The following TDRD9 variants were observed in gnomAD, a reference collection of about 807,000 sequenced individuals.
TDRD9 encodes the protein tudor domain containing 9, also known as ATP-dependent RNA helicase TDRD9.
A neutral mutation model predicts 172.6 loss-of-function variants in TDRD9; 124 were observed. That is an observed-to-expected ratio of 0.72 (90% CI 0.62 to 0.83). TDRD9 has a LOEUF of 0.83. TDRD9 is among the 40% of genes least tolerant of loss of function. The probability of loss-of-function intolerance (pLI) is 0.00; values close to 1 mark genes in which losing one functional copy is unlikely to be tolerated. For synonymous variants in TDRD9, 619 were observed against 617.1 expected (o/e 1.00, Z -0.05); for missense variants, 1,479 against 1,714.1 (o/e 0.86, Z 2.42).
At chr14:103,995,366 C>G (rs2034020904) in intron 11 of TDRD9, among the ~76,000 whole-genome samples, 3 of 152,190 alleles carry the variant, frequency 2.0e-5, no homozygotes, top group Admixed American at 1.3e-4. Flanking sequence ...TTTGGAATCT[C>G]TAGGAGCAGC....
At chr14:103,981,764 A>G (rs1463633515) in intron 7 of TDRD9, among the ~76,000 whole-genome samples, 1 of 152,234 alleles carries the variant, frequency 6.6e-6, no homozygotes, top group Non-Finnish European at 1.5e-5. Context: ...TGAATATCTT[A>G]TGTAACTTAT....
intron 1 of TDRD9, among the ~76,000 whole-genome samples, chr14:103,944,128 A>G (rs751264305): frequency 1.4e-5 from 2 of 147,010 alleles, no homozygotes; most frequent in Non-Finnish European, 3.1e-5. Context: ...CATATTGGAT[A>G]TGGAACTTAA....
chr14:104,010,298 C>T (rs1168285958), intron 20 of TDRD9, among the ~76,000 whole-genome samples: 2 of 151,650 alleles, frequency 1.3e-5, no homozygotes, highest in Non-Finnish European at 2.9e-5. Context: ...ACTTTGTAGC[C>T]CAGACTGGTT....
At chr14:103,935,682 G>C (rs370188675) in intron 1 of TDRD9, among the ~76,000 whole-genome samples, 85 of 152,120 alleles carry the variant, frequency 5.6e-4, no homozygotes, top group African/African-American at 1.9e-3. Context: ...GCCCACCTGG[G>C]GTGCTTCAGT....
At chr14:104,008,312 A>G (rs1375178170) in intron 19 of TDRD9, 101 bp from the exon 20 acceptor site, 4 of 722,570 alleles carry the variant, frequency 5.5e-6, no homozygotes, top group Non-Finnish European at 9.6e-6. Flanking sequence ...AGTAATTTAC[A>G]TTCATCATTA....
intron 8 of TDRD9, among the ~76,000 whole-genome samples, chr14:103,987,123 T>TATATACAC (rs1167102708): frequency 5.5e-5 from 8 of 145,800 alleles, no homozygotes; most frequent in African/African-American, 2.0e-4. Context: ...AAAAAATATA[T>TATATACAC]ACACACACAC....
rs60532123 is a variant in TDRD9, at chr14:103,980,367, C to T, written c.1011+4814C>T. On this transcript the variant is annotated intron_variant, in intron 7 of 35. Coordinates refer to ENST00000409874, the MANE Select transcript of TDRD9 (RefSeq NM_153046.3). The surrounding 1 kb of genome is among the most constrained non-coding windows in gnomAD (Gnocchi z 4.5). ...AGGTAAGGTCATGTGGGTCACGTGT[C>T]GACTGGACAGGGGGCCCTTCCCTGC... is the stretch of plus-strand genomic sequence containing the variant. Among the ~76,000 whole-genome samples the T allele has an allele frequency of 0.029, 4,356 of 152,030 alleles. 132 individuals are homozygous for T. The highest frequency in any genetic ancestry group is 0.076 in the African/African-American group (3,134 of 41,432).
chr14:104,031,471 T>G (rs868450010), intron 29 of TDRD9, among the ~76,000 whole-genome samples: 2 of 147,074 alleles, frequency 1.4e-5, no homozygotes, highest in Admixed American at 1.3e-4. Flanking sequence ...TTGACTAGTT[T>G]TTTTTTTTTT....
At chr14:103,934,185 T>C (rs2030595220) in intron 1 of TDRD9, among the ~76,000 whole-genome samples, 1 of 152,132 alleles carries the variant, frequency 6.6e-6, no homozygotes, top group South Asian at 2.1e-4. Context: ...CCTGGCTAAT[T>C]TATTTTTTGT....
chr14:104,040,830 G>T (rs1158707135), intron 33 of TDRD9, among the ~76,000 whole-genome samples: 1 of 152,258 alleles, frequency 6.6e-6, no homozygotes, highest in Non-Finnish European at 1.5e-5. Flanking sequence ...CTGGGGTGAG[G>T]TGGCAAGGCA....
intron 21 of TDRD9, 131 bp from the exon 22 acceptor site, chr14:104,015,850 G>A (rs1289845849): frequency 1.7e-6 from 1 of 602,734 alleles, no homozygotes. Flanking sequence ...GAAAGGTCTA[G>A]TTTTCCATAC....
chr14:103,998,652 G>A lies in TDRD9; in HGVS notation c.1407G>A (p.Leu469=), dbSNP rs765986919. 2 of 1,609,770 alleles carry A rather than the reference G, an allele frequency of 1.2e-6. No homozygotes were observed. Among genetic ancestry groups the A allele is most frequent in the Non-Finnish European group, 1.7e-6 (2 of 1,176,242 alleles). Reference sequence around the variant, plus strand: ...TAGATTTTTGTTTGACTAGAACTTTGGTCTGTGATGAAGATACAAATTATC... The same window carrying A: ...TAGATTTTTGTTTGACTAGAACTTTAGTCTGTGATGAAGATACAAATTATC... The part of the protein sequence containing the change: ...YVIDFCLTRT[L]VCDEDTNYQS... Residue 469 remains leucine (L), a synonymous_variant, in exon 13 of 36, where the codon TTG becomes TTA. Coordinates refer to ENST00000409874, the MANE Select transcript of TDRD9 (RefSeq NM_153046.3).
chr14:103,966,923 G>A, intron 5 of TDRD9, 92 bp downstream of exon 5: 1 of 1,193,166 alleles, frequency 8.4e-7, no homozygotes, highest in Non-Finnish European at 1.1e-6. Context: ...GCCTGTCTCA[G>A]CTTTCTTTAT....
intron 1 of TDRD9, among the ~76,000 whole-genome samples, chr14:103,944,891 C>T (rs765910162): frequency 2.0e-5 from 3 of 152,090 alleles, no homozygotes; most frequent in Non-Finnish European, 4.4e-5. Flanking sequence ...TAATGCTTTC[C>T]AATTAGATCC....
chr14:104,038,517 G>A (rs2035519146), intron 32 of TDRD9, among the ~76,000 whole-genome samples: 1 of 152,184 alleles, frequency 6.6e-6, no homozygotes, highest in Admixed American at 6.5e-5. Context: ...GCTGGTGGGT[G>A]TCCAGGCTCA....
intron 21 of TDRD9, among the ~76,000 whole-genome samples, chr14:104,015,365 T>C (rs1595988802): frequency 6.6e-6 from 1 of 152,214 alleles, no homozygotes; most frequent in Non-Finnish European, 1.5e-5. Flanking sequence ...GGCTGATGCA[T>C]ACGGAATCAG....
At chr14:103,995,947 A>G (rs989999639) in intron 12 of TDRD9, 140 bp downstream of exon 12, 5 of 742,502 alleles carry the variant, frequency 6.7e-6, no homozygotes, top group Admixed American at 6.6e-5. Flanking sequence ...AAGTAGGTTT[A>G]CGTAGTTTCT....
intron 28 of TDRD9, among the ~76,000 whole-genome samples, chr14:104,028,894 A>G (rs932644330): frequency 6.6e-6 from 1 of 152,202 alleles, no homozygotes; most frequent in Non-Finnish European, 1.5e-5. Flanking sequence ...ATTCTTCTGC[A>G]TTTAGATGTC....
In TDRD9 at chr14:103,938,444, T is replaced by TA. The variant is rs2030953375; in HGVS notation, c.215+9720_215+9721insA. 9.2e-5 allele frequency among the ~76,000 whole-genome samples: 10 copies of TA among 108,756 alleles called. No individual in the cohort carries two copies. In the South Asian group the frequency reaches 3.1e-3, roughly 34 times the overall value. The allele number at this position is 108,756 out of a possible 152,430, so 71.3% of individuals were successfully genotyped here. A position where few individuals can be genotyped will look rare whatever the true frequency, so the allele number is the denominator to read the frequency against. On this transcript the variant is annotated intron_variant, in intron 1 of 35. Coordinates refer to ENST00000409874, the MANE Select transcript of TDRD9 (RefSeq NM_153046.3). Reference sequence around the variant, plus strand: ...TATATATATATATATATATATATTTTTTTTTTTTTTTTGAGATGGTGTCTC... The same window carrying TA: ...TATATATATATATATATATATATTTTATTTTTTTTTTTTGAGATGGTGTCTC...
Sources: gnomAD v4.1 joint callset for allele counts (sites outside exome capture counted in the v4.1 genomes callset) on GRCh38, gnomAD v4.1.1 for gene constraint, Gnocchi (gnomAD v3.1) non-coding constraint, MANE v1.5 for transcripts, NCBI Gene and HGNC (gene_info 2026-07-23, HGNC 2026-07-21) for gene names.